Variants in DEPTOR observed in about 807,000 individuals in gnomAD.
DEPTOR encodes the protein DEP domain containing MTOR interacting protein.
A neutral mutation model predicts 41.6 loss-of-function variants in DEPTOR; 41 were observed. The observed-to-expected ratio is 0.98, with a 90% CI of 0.77 to 1.28. The LOEUF is 1.28. Ranked by LOEUF, DEPTOR falls within the 50% of genes most tolerant of loss-of-function variation. The pLI, the probability that DEPTOR is intolerant of heterozygous loss-of-function variation, is 0.00. For missense variants in DEPTOR, 514 were observed against 527.9 expected, an observed-to-expected ratio of 0.97 and a Z score of 0.26; for synonymous variants, 195 against 192.3, an observed-to-expected ratio of 1.01 and a Z score of -0.12.
At chr8:119,980,165 A>G (rs1399438363) in intron 4 of DEPTOR, among the ~76,000 whole-genome samples, 3 of 152,120 alleles carry the variant, frequency 2.0e-5, no homozygotes, top group African/African-American at 4.8e-5. Context: ...AATAGCAAAA[A>G]AAAAAAAAGG....
At chr8:119,965,124 T>G (rs1828540149) in intron 3 of DEPTOR, 108 bp from the exon 4 acceptor site, 1 of 1,222,832 alleles carries the variant, frequency 8.2e-7, no homozygotes, top group African/African-American at 1.5e-5. Flanking sequence ...CAGCTGCATC[T>G]GTCTGTCTGA....
chr8:119,888,781 G>A (rs1827407393), intron 1 of DEPTOR, among the ~76,000 whole-genome samples: 1 of 150,340 alleles, frequency 6.7e-6, no homozygotes, highest in African/African-American at 2.5e-5. Flanking sequence ...GCTTGAACCT[G>A]GGAGGTAGAG....
intron 4 of DEPTOR, chr8:119,969,837 C>T (rs1828611217): frequency 6.6e-6 from 1 of 152,196 alleles, no homozygotes; most frequent in Admixed American, 6.5e-5. Flanking sequence ...TGTTAGAGCT[C>T]ATGGTAAGTA....
At chr8:119,984,782 C>T (rs1444935406) in intron 4 of DEPTOR, among the ~76,000 whole-genome samples, 1 of 152,102 alleles carries the variant, frequency 6.6e-6, no homozygotes. Flanking sequence ...GGATATATAC[C>T]TAGTAATGGG....
chr8:119,917,725 G>A (rs981907991), intron 1 of DEPTOR, among the ~76,000 whole-genome samples: 4 of 152,176 alleles, frequency 2.6e-5, no homozygotes, highest in Non-Finnish European at 5.9e-5. Flanking sequence ...AAGGGTCTGT[G>A]CTGAGGAGGA....
intron 3 of DEPTOR, among the ~76,000 whole-genome samples, chr8:119,965,005 G>A (rs1828538750): frequency 2.0e-5 from 3 of 151,960 alleles, no homozygotes; most frequent in Admixed American, 6.6e-5. Flanking sequence ...CCCAGGAGGC[G>A]GAGGTTGCAG....
chr8:119,920,684 A>G (rs544206002), intron 1 of DEPTOR, among the ~76,000 whole-genome samples: 3 of 152,316 alleles, frequency 2.0e-5, no homozygotes, highest in Admixed American at 2.0e-4. Context: ...ATCTAGGGTC[A>G]GGGTGGAAGG....
intron 1 of DEPTOR, among the ~76,000 whole-genome samples, chr8:119,890,787 A>G (rs1409924215): frequency 6.6e-6 from 1 of 152,118 alleles, no homozygotes; most frequent in Admixed American, 6.6e-5. Context: ...ATGGTCACAC[A>G]TGTGGTAAGT....
chr8:120,043,677 G>A (rs1369200243), intron 8 of DEPTOR, among the ~76,000 whole-genome samples: 16 of 152,112 alleles, frequency 1.1e-4, no homozygotes, highest in Admixed American at 8.5e-4. Flanking sequence ...GTGAACTTGA[G>A]CAAATAATTT....
chr8:119,928,265 C>A, intron 1 of DEPTOR, 135 bp from the exon 2 acceptor site: 2 of 923,762 alleles, frequency 2.2e-6, no homozygotes, highest in Non-Finnish European at 3.1e-6. Context: ...GTATGGAAAT[C>A]ACCAAGCGAG....
At chr8:119,957,568 T>A (rs904088370) in intron 3 of DEPTOR, among the ~76,000 whole-genome samples, 1 of 60,184 alleles carries the variant, frequency 1.7e-5, no homozygotes, top group African/African-American at 5.3e-5. Context: ...CATGGGTCCT[T>A]CTATTTTTTT....
chr8:120,033,357 G>A (rs1035462892), intron 8 of DEPTOR, among the ~76,000 whole-genome samples: 2 of 152,146 alleles, frequency 1.3e-5, no homozygotes, highest in Non-Finnish European at 2.9e-5. Context: ...AAAGTGCTGG[G>A]ATTACAGGTG....
At chr8:120,006,949 C>A (rs1297726999) in intron 7 of DEPTOR, 74 bp downstream of exon 7, 2 of 1,354,668 alleles carry the variant, frequency 1.5e-6, no homozygotes, top group Admixed American at 1.9e-5. Flanking sequence ...CAATGGGTAG[C>A]TTATAGACTG....
At chr8:119,993,395 A>G (rs1460975104) in intron 4 of DEPTOR, among the ~76,000 whole-genome samples, 2 of 152,208 alleles carry the variant, frequency 1.3e-5, no homozygotes, top group Non-Finnish European at 1.5e-5. Flanking sequence ...ATACGAAGTC[A>G]AGACAAGGCC....
chr8:119,995,302 G>C (rs1178799490), intron 4 of DEPTOR, among the ~76,000 whole-genome samples: 1 of 151,980 alleles, frequency 6.6e-6, no homozygotes, highest in Non-Finnish European at 1.5e-5. Flanking sequence ...TTTTCTAAAA[G>C]TAGGCCGGGC....
chr8:120,026,986 A>T (rs1366791214), intron 8 of DEPTOR, among the ~76,000 whole-genome samples: 4 of 152,088 alleles, frequency 2.6e-5, no homozygotes, highest in Non-Finnish European at 4.4e-5. Context: ...TGGGAGACCG[A>T]GGTGGGTGGA....
intron 3 of DEPTOR, among the ~76,000 whole-genome samples, chr8:119,960,126 A>G (rs1828471276): frequency 6.6e-6 from 1 of 151,918 alleles, no homozygotes; most frequent in African/African-American, 2.4e-5. Context: ...CAGGAGGCTG[A>G]GGCAGGAGAA....
intron 3 of DEPTOR, among the ~76,000 whole-genome samples, chr8:119,945,941 G>A (rs548029656): frequency 1.3e-5 from 2 of 152,310 alleles, no homozygotes; most frequent in South Asian, 4.1e-4. Flanking sequence ...GGAAGGCATG[G>A]CTGGGAGGTT....
At chr8:120,035,482 G>A (rs1366684216) in intron 8 of DEPTOR, among the ~76,000 whole-genome samples, 1 of 152,174 alleles carries the variant, frequency 6.6e-6, no homozygotes, top group Non-Finnish European at 1.5e-5. Context: ...GTGAGAATTT[G>A]TTCTTAGGTG....
Sources: gnomAD v4.1 joint callset for allele counts (sites outside exome capture counted in the v4.1 genomes callset) on GRCh38, gnomAD v4.1.1 for gene constraint, MANE v1.5 for transcripts, NCBI Gene and HGNC (gene_info 2026-07-23, HGNC 2026-07-21) for gene names.